Variants in COL28A1 observed in about 807,000 individuals in gnomAD.
COL28A1 encodes the protein collagen type XXVIII alpha 1 chain.
A neutral mutation model predicts 150.2 loss-of-function variants in COL28A1; 161 were observed. That is an observed-to-expected ratio of 1.07 (90% CI 0.94 to 1.22). The LOEUF is 1.22. COL28A1 is among the 50% of genes most tolerant of loss of function. COL28A1 has a pLI of 0.00. For synonymous variants in COL28A1, 552 were observed against 469.7 expected (o/e 1.18, Z -2.26); for missense variants, 1,617 against 1,388.3 (o/e 1.16, Z -2.62).
chr7:7,388,687 A>G (rs940713794), intron 27 of COL28A1, among the ~76,000 whole-genome samples: 1 of 152,136 alleles, frequency 6.6e-6, no homozygotes, highest in Non-Finnish European at 1.5e-5. Context: ...TGACTTTTTA[A>G]TGATCGCCAT....
intron 27 of COL28A1, among the ~76,000 whole-genome samples, chr7:7,399,159 T>C (rs1226991564): frequency 6.6e-6 from 1 of 152,192 alleles, no homozygotes; most frequent in Non-Finnish European, 1.5e-5. Context: ...CTTTTCACTC[T>C]TGGCTTTCCT....
At chr7:7,477,735 C>G (rs6943692) in intron 13 of COL28A1, among the ~76,000 whole-genome samples, 1 of 151,976 alleles carries the variant, frequency 6.6e-6, no homozygotes, top group South Asian at 2.1e-4. Context: ...GTAAGATATA[C>G]AGCAAACAGC....
At chr7:7,497,117 G>A (rs1341446409) in intron 11 of COL28A1, among the ~76,000 whole-genome samples, 1 of 148,352 alleles carries the variant, frequency 6.7e-6, no homozygotes, top group Non-Finnish European at 1.5e-5. Flanking sequence ...AAGGAAGGAA[G>A]GAAGGAAGGA....
intron 11 of COL28A1, among the ~76,000 whole-genome samples, chr7:7,503,273 C>T (rs944808990): frequency 2.6e-5 from 4 of 151,620 alleles, no homozygotes; most frequent in African/African-American, 9.8e-5. Context: ...CTCTTTGTGC[C>T]TTAGTAGACT....
At chr7:7,417,210 G>C (rs998799893) in intron 27 of COL28A1, among the ~76,000 whole-genome samples, 43 of 151,994 alleles carry the variant, frequency 2.8e-4, no homozygotes, top group African/African-American at 9.7e-4. Flanking sequence ...TGCTGGACAA[G>C]CTTGTTGCTG....
At chr7:7,360,789 C>A (rs1457015750) in intron 33 of COL28A1, among the ~76,000 whole-genome samples, 1 of 152,196 alleles carries the variant, frequency 6.6e-6, no homozygotes, top group Non-Finnish European at 1.5e-5. Flanking sequence ...TACACACACA[C>A]ACGCAGCCCA....
At chr7:7,375,399 C>T in intron 31 of COL28A1, 62 bp downstream of exon 31, 3 of 1,438,460 alleles carry the variant, frequency 2.1e-6, no homozygotes, top group Admixed American at 2.1e-5. Context: ...ATTCTGTCAC[C>T]AGCACAGTAC....
chr7:7,373,321 T>A lies in COL28A1; in HGVS notation c.2585A>T (p.Lys862Met). 3 of 1,614,186 alleles carry A rather than the reference T, an allele frequency of 1.9e-6. No individual in the cohort carries two copies. Among genetic ancestry groups the A allele is most frequent in the South Asian group, 1.1e-5 (1 of 91,086 alleles). Residue 862 changes from lysine (K) to methionine (M), a missense_variant, in exon 32 of 35, where the codon AAG becomes ATG. Transcript: ENST00000399429. This position sits in a 1 kb window ranked among gnomAD's most constrained non-coding sequence, Gnocchi z 4.1. ...LKQFSSKDDF[K>M]LAVDNMQYLG... ...ATACTGCATGTTGTCCACAGCCAAC[T>A]TGAAGTCATCCTTGCTGGAGAACTG... is the stretch of plus-strand genomic sequence containing the variant.
At chr7:7,370,297 A>C (rs1210874780) in intron 33 of COL28A1, among the ~76,000 whole-genome samples, 1 of 152,190 alleles carries the variant, frequency 6.6e-6, no homozygotes, top group Non-Finnish European at 1.5e-5. Flanking sequence ...CCAGTTGGGC[A>C]TATGCGTATT....
chr7:7,399,423 G>C (rs1022537574), intron 27 of COL28A1, among the ~76,000 whole-genome samples: 2 of 152,138 alleles, frequency 1.3e-5, no homozygotes, highest in African/African-American at 4.8e-5. Flanking sequence ...CCAAAGTGGA[G>C]GCATTTCTCC....
intron 15 of COL28A1, among the ~76,000 whole-genome samples, chr7:7,461,733 C>T (rs1371977143): frequency 6.6e-6 from 1 of 152,120 alleles, no homozygotes; most frequent in African/African-American, 2.4e-5. Flanking sequence ...CAGCAAGACC[C>T]ACCCAAGTAG....
At chr7:7,435,407 A>G (rs1251586755) in intron 23 of COL28A1, among the ~76,000 whole-genome samples, 1 of 152,150 alleles carries the variant, frequency 6.6e-6, no homozygotes, top group Non-Finnish European at 1.5e-5. Flanking sequence ...TTACCTTGGG[A>G]TCTGTGGGAA....
intron 27 of COL28A1, among the ~76,000 whole-genome samples, chr7:7,405,491 A>G (rs1486551623): frequency 6.6e-6 from 1 of 152,196 alleles, no homozygotes; most frequent in Non-Finnish European, 1.5e-5. Context: ...CTAGTATTCT[A>G]ATGGATTAAA....
the COL28A1 span, among the ~76,000 whole-genome samples, chr7:7,348,160 T>C: frequency 6.6e-6 from 1 of 151,818 alleles, no homozygotes; most frequent in Non-Finnish European, 1.5e-5. Context: ...GCTTGGGAAA[T>C]TGGATACATT....
chr7:7,443,986 G>GTTTTTTT (rs71010980), intron 19 of COL28A1, among the ~76,000 whole-genome samples: 5 of 95,550 alleles, frequency 5.2e-5, no homozygotes, highest in East Asian at 3.3e-4. Flanking sequence ...TCCATCTGCT[G>GTTTTTTT]TTTTTTTTTT....
At chr7:7,404,237 G>A (rs562777254) in intron 27 of COL28A1, among the ~76,000 whole-genome samples, 1 of 152,132 alleles carries the variant, frequency 6.6e-6, no homozygotes, top group Non-Finnish European at 1.5e-5. Context: ...CACAGCAGGA[G>A]ACACTCCTAC....
intron 11 of COL28A1, among the ~76,000 whole-genome samples, chr7:7,492,975 A>G (rs1279252333): frequency 6.7e-6 from 1 of 148,532 alleles, no homozygotes; most frequent in Non-Finnish European, 1.5e-5. Context: ...TATATGTAAC[A>G]TTATATATAC....
intron 21 of COL28A1, among the ~76,000 whole-genome samples, chr7:7,439,024 G>C (rs1473697402): frequency 6.6e-6 from 1 of 152,188 alleles, no homozygotes; most frequent in Non-Finnish European, 1.5e-5. Flanking sequence ...TCTATGCTAT[G>C]TCTAAACATG....
At chr7:7,388,165 C>T (rs1234531101) in intron 27 of COL28A1, among the ~76,000 whole-genome samples, 2 of 152,024 alleles carry the variant, frequency 1.3e-5, no homozygotes, top group Non-Finnish European at 2.9e-5. Context: ...CTCCCCTAGC[C>T]CCCCACCCCA....
Sources: allele counts gnomAD v4.1 joint callset (sites outside exome capture counted in the v4.1 genomes callset), GRCh38; gene constraint gnomAD v4.1.1; non-coding constraint Gnocchi (gnomAD v3.1); transcripts MANE v1.5; gene names NCBI Gene and HGNC (gene_info 2026-07-23, HGNC 2026-07-21).